Variants in RC3H1 observed in about 807,000 individuals in gnomAD.
RC3H1 encodes the protein roquin-1.
RC3H1 carries 50 observed loss-of-function variants against 138.2 expected under a neutral mutation model. The ratio of observed to expected loss-of-function variants is 0.36; its 90% CI spans 0.29 to 0.46. RC3H1 has a LOEUF of 0.46. Among genes scored for constraint, RC3H1 ranks in the 20% least tolerant of loss-of-function variants. The probability of loss-of-function intolerance (pLI) is 1.00; values close to 1 mark genes in which losing one functional copy is unlikely to be tolerated. For missense variants in RC3H1, 1,031 were observed against 1,388.1 expected, an observed-to-expected ratio of 0.74 and a Z score of 4.09; for synonymous variants, 462 against 489.1, an observed-to-expected ratio of 0.94 and a Z score of 0.73.
chr1:173,973,596 T>C (rs532680679), intron 7 of RC3H1, among the ~76,000 whole-genome samples: 2 of 152,272 alleles, frequency 1.3e-5, no homozygotes, highest in South Asian at 4.1e-4. Flanking sequence ...GCTACATGTT[T>C]TCTTCATTTA....
At chr1:173,966,198 T>C (rs1355175886) in intron 9 of RC3H1, among the ~76,000 whole-genome samples, 2 of 152,160 alleles carry the variant, frequency 1.3e-5, no homozygotes, top group African/African-American at 2.4e-5. Context: ...TCAGAGATGC[T>C]GATGTTATGT....
rs745768717 is a variant in RC3H1 at position 173,961,853 on chromosome 1, T to C, written c.2074A>G (p.Ile692Val). 64 of 1,614,030 alleles carry C rather than the reference T, an allele frequency of 4.0e-5. No homozygotes were observed. Among genetic ancestry groups the C allele is most frequent in the Admixed American group, 5.0e-5 (3 of 60,004 alleles). Residue 692 changes from isoleucine (I) to valine (V), a missense_variant, in exon 12 of 20, where the codon ATA becomes GTA. Around this residue, in one of 7 missense-constraint regions of RC3H1, gnomAD observed 716 missense variants for 837.9 expected, o/e 0.85. Transcript: ENST00000367696. ...TREEIFRESP[I>V]PIEIPPAAVP... ...GCTGCAGGTGGAATCTCAATGGGTA[T>C]AGGGCTTTCTCGGAATATCTCTTCT... is the stretch of plus-strand genomic sequence containing the variant.
chr1:174,021,207 A>G (rs542396858), intron 1 of RC3H1, among the ~76,000 whole-genome samples: 6 of 152,292 alleles, frequency 3.9e-5, no homozygotes, highest in African/African-American at 1.4e-4. Flanking sequence ...CATGTTAGTA[A>G]TTCAAAACGC....
chr1:173,942,375 G>T (rs1337182960), intron 18 of RC3H1, among the ~76,000 whole-genome samples: 1 of 142,866 alleles, frequency 7.0e-6, no homozygotes, highest in Non-Finnish European at 1.5e-5. Flanking sequence ...GGAGGTTGCA[G>T]TGAGCTGAGG....
intron 17 of RC3H1, among the ~76,000 whole-genome samples, chr1:173,944,739 A>C (rs1659060995): frequency 6.6e-6 from 1 of 152,206 alleles, no homozygotes; most frequent in African/African-American, 2.4e-5. Flanking sequence ...ATCAATGTAA[A>C]TAAGCAATGG....
Position 173,984,555 on chromosome 1 carries a change from G to C in RC3H1, c.296C>G (p.Ala99Gly). ...TGCTAATTCTTCTACACATTTCTTG[G>C]CTTCCTCATAATGCTTTGTGTCTTC... ...GVEDTKHYEE[A>G]KKCVEELALY... Residue 99 changes from alanine (A) to glycine (G), a missense_variant, in exon 3 of 20, where the codon GCC becomes GGC. Transcript: ENST00000367696. 2 of 1,613,924 alleles carry C rather than the reference G, an allele frequency of 1.2e-6. No homozygotes were observed. Among genetic ancestry groups the C allele is most frequent in the Non-Finnish European group, 1.7e-6 (2 of 1,179,908 alleles).
At chr1:174,002,872 TC>T (rs1661585808) in intron 1 of RC3H1, among the ~76,000 whole-genome samples, 1 of 152,146 alleles carries the variant, frequency 6.6e-6, no homozygotes, top group Non-Finnish European at 1.5e-5. Flanking sequence ...CCAGTTCTCT[TC>T]CCTAGAAAGT....
chr1:173,963,589 G>A (rs765311575), intron 11 of RC3H1, among the ~76,000 whole-genome samples: 13 of 152,092 alleles, frequency 8.5e-5, no homozygotes, highest in Non-Finnish European at 1.3e-4. Context: ...AAAATGTACT[G>A]TGGGTGTTTA....
intron 6 of RC3H1, 43 bp downstream of exon 6, chr1:173,980,766 T>C: frequency 6.8e-7 from 1 of 1,472,252 alleles, no homozygotes; most frequent in Non-Finnish European, 9.4e-7. Flanking sequence ...ATTACCAAAA[T>C]GCCAAGATTA....
At chr1:173,965,386 A>G (rs935341247) in intron 9 of RC3H1, among the ~76,000 whole-genome samples, 7 of 151,958 alleles carry the variant, frequency 4.6e-5, no homozygotes, top group African/African-American at 1.7e-4. Flanking sequence ...CGAGGTTAAG[A>G]TCGAGACCAG....
In RC3H1 at chr1:174,001,205, T is replaced by C. The variant is rs1661559621; in HGVS notation, c.-150-8070A>G. On this transcript the variant is annotated intron_variant, in intron 1 of 19. Transcript: ENST00000367696. ...AGAAAAATTTCTATCTCCAACCTAA[T>C]ACCAGATTGAGGAGAAGTAGTAAGA... Among the ~76,000 whole-genome samples, 4 of 152,308 alleles carry C rather than the reference T, an allele frequency of 2.6e-5. No individual in the cohort carries two copies. In the South Asian group the frequency reaches 8.3e-4, roughly 32 times the overall value.
rs748639609 is a variant in RC3H1, at chr1:173,937,863, A to C, written c.*858T>G. ...AAATTTCCAACCATGAGCTGAACGCAGGCGAAACACCAAACATGTATTTTC... is the reference window on the plus strand; with the variant it reads ...AAATTTCCAACCATGAGCTGAACGCCGGCGAAACACCAAACATGTATTTTC... On this transcript the variant is annotated 3_prime_UTR_variant, in exon 20 of 20. Transcript: ENST00000367696. The C allele has an allele frequency of 6.6e-6, 1 of 152,226 alleles. No homozygotes were observed. The highest frequency in any genetic ancestry group is 1.5e-5 in the Non-Finnish European group (1 of 68,028). 9.4% of individuals were successfully genotyped at this position (152,226 alleles called of 1,614,324 possible).
intron 1 of RC3H1, among the ~76,000 whole-genome samples, chr1:174,014,210 A>G (rs1347376476): frequency 1.3e-5 from 2 of 152,218 alleles, no homozygotes; most frequent in Non-Finnish European, 2.9e-5. Context: ...AATGTGAACT[A>G]TGGACTTTAG....
At chr1:173,982,107 C>T (rs1242655039) in intron 5 of RC3H1, among the ~76,000 whole-genome samples, 3 of 152,090 alleles carry the variant, frequency 2.0e-5, no homozygotes, top group South Asian at 2.1e-4. Flanking sequence ...TGGCTGGGCG[C>T]GGTGGCTCAC....
At chr1:173,959,541 C>T (rs1031315840) in intron 13 of RC3H1, among the ~76,000 whole-genome samples, 6 of 151,000 alleles carry the variant, frequency 4.0e-5, no homozygotes, top group African/African-American at 4.9e-5. Context: ...GAGGCCAAGA[C>T]GGGCAGATCA....
chr1:174,011,610 A>G (rs1293626030), intron 1 of RC3H1, among the ~76,000 whole-genome samples: 2 of 152,260 alleles, frequency 1.3e-5, no homozygotes, highest in East Asian at 3.9e-4. Flanking sequence ...AATCAAGACC[A>G]TAAGCAGTAC....
rs1660677597 is a variant in RC3H1, at chr1:173,978,602, A to T, written c.988T>A (p.Phe330Ile). ...GTTAGTTCCTGAACACTCTGTGCAA[A>T]AGAGGCTGGAGTCTGCAACTTAAAA... ...IIDKLQTPAS[F>I]AQSVQELTIA... Residue 330 changes from phenylalanine to isoleucine, a missense_variant, in exon 7 of 20, where the codon TTT (phenylalanine) becomes ATT (isoleucine). Around this residue, in one of 7 missense-constraint regions of RC3H1, gnomAD observed 142 missense variants for 224.6 expected, o/e 0.63. Coordinates refer to ENST00000367696, the MANE Select transcript of RC3H1 (RefSeq NM_172071.4). 6.2e-7 allele frequency: 1 copy of T among 1,613,298 alleles called. No homozygotes were observed. Among genetic ancestry groups the T allele is most frequent in the African/African-American group, 1.3e-5 (1 of 74,910 alleles).
chr1:173,944,187 A>G (rs1337894382), intron 17 of RC3H1, among the ~76,000 whole-genome samples: 1 of 151,816 alleles, frequency 6.6e-6, no homozygotes, highest in Non-Finnish European at 1.5e-5. Flanking sequence ...AAAAAAAAAA[A>G]AAAAAGGAAA....
chr1:173,943,310 A>C, intron 18 of RC3H1, 132 bp downstream of exon 18: 1 of 791,062 alleles, frequency 1.3e-6, no homozygotes, highest in Admixed American at 2.9e-5. Flanking sequence ...GCCCACCTGC[A>C]TGAGAATTAT....
Sources: allele counts gnomAD v4.1 joint callset (sites outside exome capture counted in the v4.1 genomes callset), GRCh38; gene constraint gnomAD v4.1.1; regional missense constraint gnomAD v4.1.1; transcripts MANE v1.5; gene names NCBI Gene and HGNC (gene_info 2026-07-23, HGNC 2026-07-21).